Variants in LIM2 observed in about 807,000 individuals in gnomAD.
LIM2 encodes the protein lens fiber membrane intrinsic protein.
A neutral mutation model predicts 19.0 loss-of-function variants in LIM2; 14 were observed. The ratio of observed to expected loss-of-function variants is 0.74; its 90% CI spans 0.49 to 1.15. The LOEUF (loss-of-function observed/expected upper bound fraction) is 1.15, where lower values mean the gene tolerates loss of function less well. Among genes scored for constraint, LIM2 ranks in the 50% most tolerant of loss-of-function variants. LIM2 has a pLI of 0.00. For synonymous variants in LIM2, 78 were observed against 89.6 expected (o/e 0.87, Z 0.73); for missense variants, 230 against 243.5 (o/e 0.94, Z 0.37).
intron 3 of LIM2, among the ~76,000 whole-genome samples, chr19:51,381,954 T>A (rs957400315): frequency 1.3e-5 from 2 of 152,192 alleles, no homozygotes; most frequent in Admixed American, 6.5e-5. Context: ...AGTCTCAAAC[T>A]CCTGACCTAG....
At chr19:51,381,942 C>T (rs1216037655) in intron 3 of LIM2, among the ~76,000 whole-genome samples, 1 of 152,186 alleles carries the variant, frequency 6.6e-6, no homozygotes, top group African/African-American at 2.4e-5. Flanking sequence ...GTTGGCCAGG[C>T]TAGTCTCAAA....
chr19:51,386,712 T>TTTAGTAA (rs66876043), intron 2 of LIM2, among the ~76,000 whole-genome samples: 1 of 148,932 alleles, frequency 6.7e-6, no homozygotes. Flanking sequence ...CTGTATATTA[T>TTTAGTAA]TGTCTATATG....
chr19:51,386,725 G>T (rs1351743601), intron 2 of LIM2, among the ~76,000 whole-genome samples: 1 of 143,372 alleles, frequency 7.0e-6, no homozygotes, highest in African/African-American at 2.7e-5. Flanking sequence ...TCTATATGTA[G>T]TTATATATAA....
At chr19:51,387,214 A>T in intron 2 of LIM2, 55 bp downstream of exon 2, 1 of 1,614,126 alleles carries the variant, frequency 6.2e-7, no homozygotes, top group Non-Finnish European at 8.5e-7. Context: ...TTGGGCCCCG[A>T]GGTCCGCCCT....
At chr19:51,381,835 C>A (rs941074666) in intron 3 of LIM2, among the ~76,000 whole-genome samples, 1 of 152,204 alleles carries the variant, frequency 6.6e-6, no homozygotes, top group Non-Finnish European at 1.5e-5. Context: ...ATGCCATTCT[C>A]CTGCCTCAGC....
In LIM2 at chr19:51,382,408, G is replaced by A; in HGVS notation, c.325+10C>T. ...GAGGAGAGGGGTAGGGAGAGGGTGGGCTTACTCACTTGAGGAAAAAAACAT... is the reference window on the plus strand; with the variant it reads ...GAGGAGAGGGGTAGGGAGAGGGTGGACTTACTCACTTGAGGAAAAAAACAT... On this transcript the variant is annotated intron_variant, in intron 3 of 4. Coordinates refer to ENST00000596399, the MANE Select transcript of LIM2 (RefSeq NM_001161748.2). 1.9e-6 allele frequency: 3 copies of A among 1,612,722 alleles called. No individual in the cohort carries two copies. In the South Asian group the frequency reaches 3.3e-5, roughly 18 times the overall value.
Position 51,382,042 on chromosome 19 carries a change from G to A in LIM2, c.325+376C>T, listed in dbSNP as rs111612814. Among the ~76,000 whole-genome samples the A allele has an allele frequency of 7.9e-5, 12 of 152,286 alleles. 1 individual carries two copies. Among genetic ancestry groups the A allele is most frequent in the African/African-American group, 2.9e-4 (12 of 41,568 alleles). On this transcript the variant is annotated intron_variant, in intron 3 of 4. Coordinates refer to ENST00000596399, the MANE Select transcript of LIM2 (RefSeq NM_001161748.2). Reference sequence around the variant, plus strand: ...CGCACCCGGCCTCCAGCAAATTTTTGAATCTGAGTGGGTCTTGGGAACCTC... The same window carrying A: ...CGCACCCGGCCTCCAGCAAATTTTTAAATCTGAGTGGGTCTTGGGAACCTC...
intron 4 of LIM2, 27 bp from the exon 5 acceptor site, chr19:51,380,289 C>G (rs1452805910): frequency 6.2e-7 from 1 of 1,610,982 alleles, no homozygotes; most frequent in Non-Finnish European, 8.5e-7. Context: ...TCAAATTCAC[C>G]CCCTCAAACC....
chr19:51,387,074 G>C, intron 2 of LIM2, 195 bp downstream of exon 2: 2 of 999,710 alleles, frequency 2.0e-6, no homozygotes, highest in South Asian at 2.7e-5. Flanking sequence ...CTTCAAACCA[G>C]CACCCCGTGA....
chr19:51,387,122 GC>G, intron 2 of LIM2, 146 bp downstream of exon 2: 1 of 1,459,752 alleles, frequency 6.9e-7, no homozygotes. Context: ...TCCCAGTTCT[GC>G]CCCCTCCATG....
chr19:51,387,249 A>T lies in LIM2; in HGVS notation c.175+20T>A. 2.5e-6 allele frequency: 4 copies of T among 1,614,116 alleles called. No individual in the cohort carries two copies. The highest frequency in any genetic ancestry group is 3.4e-6 in the Non-Finnish European group (4 of 1,180,026). On this transcript the variant is annotated intron_variant, in intron 2 of 4. Transcript: ENST00000596399. ...TGCTCTTTCCCCAGGCGCGGCCTGG[A>T]CCCTGGCCGGGGGGCTCACCGATGC...
In LIM2 at chr19:51,387,306, G is replaced by C; in HGVS notation, c.138C>G (p.Cys46Trp). The change falls in exon 2 of 5, where the codon TGC becomes TGG. Residue 46 changes from cysteine to tryptophan, a missense_variant. Cys to Trp is a radical substitution (Grantham distance 215). Coordinates refer to ENST00000596399, the MANE Select transcript of LIM2 (RefSeq NM_001161748.2). ...SFAHQGLWRY[C>W]LGNKCYLQTD... ...TCTGCAGGTAGCACTTGTTGCCCAGGCAGTACCGCCACAGGCCCTGGTGGG... is the reference window on the plus strand; with the variant it reads ...TCTGCAGGTAGCACTTGTTGCCCAGCCAGTACCGCCACAGGCCCTGGTGGG... 1 of 1,614,144 alleles carries C rather than the reference G, an allele frequency of 6.2e-7. No homozygotes were observed. The highest frequency in any genetic ancestry group is 1.1e-5 in the South Asian group (1 of 91,086).
chr19:51,380,239 G>T lies in LIM2; in HGVS notation c.484C>A (p.Arg162=). 2 of 1,613,586 alleles carry T rather than the reference G, an allele frequency of 1.2e-6. No homozygotes were observed. The highest frequency in any genetic ancestry group is 1.7e-6 in the Non-Finnish European group (2 of 1,179,848). Reference sequence around the variant, plus strand: ...GACAGGCGCCGGCATTCATGCACCCGGTAGGCGCACATGTAGAAAATCCCT... The same window carrying T: ...GACAGGCGCCGGCATTCATGCACCCTGTAGGCGCACATGTAGAAAATCCCT... ...FAGIFYMCAY[R]VHECRRLSTP... The change falls in exon 5 of 5, where the codon CGG becomes AGG. Residue 162 remains arginine (R), a synonymous_variant. Coordinates refer to ENST00000596399, the MANE Select transcript of LIM2 (RefSeq NM_001161748.2).
At chr19:51,380,742 A>C (rs1599860639) in intron 3 of LIM2, 103 bp from the exon 4 acceptor site, 2 of 667,274 alleles carry the variant, frequency 3.0e-6, no homozygotes, top group Admixed American at 2.7e-5. Flanking sequence ...GATTGGGGAA[A>C]GGGGTGGAAA....
chr19:51,382,840 C>G (rs1217628061), intron 2 of LIM2, among the ~76,000 whole-genome samples: 1 of 152,000 alleles, frequency 6.6e-6, no homozygotes, highest in Admixed American at 6.6e-5. Context: ...TCTGTCTCCC[C>G]CTCCAGCCTG....
chr19:51,384,065 T>C (rs546505661), intron 2 of LIM2, among the ~76,000 whole-genome samples: 1 of 152,316 alleles, frequency 6.6e-6, no homozygotes, highest in East Asian at 1.9e-4. Flanking sequence ...TGGTAACTTA[T>C]TTGGCAATAG....
intron 3 of LIM2, among the ~76,000 whole-genome samples, chr19:51,381,883 G>C (rs112064219): frequency 6.6e-6 from 1 of 151,976 alleles, no homozygotes; most frequent in African/African-American, 2.4e-5. Flanking sequence ...CCGACACCAC[G>C]CCTGGCTAAT....
At chr19:51,387,018 A>C in intron 2 of LIM2, 2 of 728,364 alleles carry the variant, frequency 2.7e-6, no homozygotes, top group Non-Finnish European at 5.0e-6. Context: ...ATTGCTGTGC[A>C]TGACACCTCT....
At position 51,387,186 on chromosome 19, in the gene LIM2, T is replaced by C. The variant is rs201295572; in HGVS notation, c.175+83A>G. The stretch of plus-strand genomic sequence containing the variant: ...CCTCTTTGAGCCGCAGAGTTCTCCA[T>C]CTGGAATACAGGTGTCCTTGGGCCC... On this transcript the variant is annotated intron_variant, in intron 2 of 4. Transcript: ENST00000596399. 9.8e-5 allele frequency: 158 copies of C among 1,614,110 alleles called. 3 individuals are homozygous for C. In the Admixed American group the frequency reaches 2.1e-3, roughly 21 times the overall value.
Sources: allele counts gnomAD v4.1 joint callset (sites outside exome capture counted in the v4.1 genomes callset), GRCh38; gene constraint gnomAD v4.1.1; transcripts MANE v1.5; gene names NCBI Gene and HGNC (gene_info 2026-07-23, HGNC 2026-07-21).